The following XYLT1 variants were observed in gnomAD, a reference collection of about 807,000 sequenced individuals.
XYLT1 encodes beta-D-xylosyltransferase 1.
A neutral mutation model predicts 91.3 loss-of-function variants in XYLT1; 36 were observed. That is an observed-to-expected ratio of 0.39 (90% CI 0.30 to 0.52). The LOEUF is 0.52. Ranked by LOEUF, XYLT1 falls within the 20% of genes least tolerant of loss-of-function variation. The pLI, the probability that XYLT1 is intolerant of heterozygous loss-of-function variation, is 0.68. For missense variants in XYLT1, 1,242 were observed against 1,284.5 expected (o/e 0.97, Z 0.51); for synonymous variants, 588 against 532.0 (o/e 1.11, Z -1.45).
chr16:17,449,719 G>A (rs1341861997), intron 1 of XYLT1, among the ~76,000 whole-genome samples: 1 of 152,180 alleles, frequency 6.6e-6, no homozygotes, highest in Non-Finnish European at 1.5e-5. Context: ...ATCATCAACA[G>A]GACTATGCAT....
At position 17,102,618 on chromosome 16, in the gene XYLT1, A is replaced by G. The variant is rs185927471; in HGVS notation, c.*6077T>C. ...TGAGACTCACATTCTACCTCAAGGA[A>G]AAGCATTCAGATGATTGGAACTTTG... On this transcript the variant is annotated 3_prime_UTR_variant, in exon 12 of 12. Transcript: ENST00000261381. The G allele has an allele frequency of 2.5e-4, 38 of 152,670 alleles. No individual in the cohort carries two copies. The highest frequency in any genetic ancestry group is 1.8e-3 in the Admixed American group (28 of 15,306). The allele number at this position is 152,670 out of a possible 1,614,324, so 9.5% of individuals were successfully genotyped here. A position where few individuals can be genotyped will look rare whatever the true frequency, so the allele number is the denominator to read the frequency against.
At chr16:17,306,405 A>G (rs2034471187) in intron 2 of XYLT1, among the ~76,000 whole-genome samples, 1 of 152,118 alleles carries the variant, frequency 6.6e-6, no homozygotes, top group Non-Finnish European at 1.5e-5. Context: ...GCGCTCTGGG[A>G]GGCCGAGGCA....
chr16:17,203,653 T>C (rs570591036), intron 3 of XYLT1, among the ~76,000 whole-genome samples: 7 of 152,272 alleles, frequency 4.6e-5, no homozygotes, highest in South Asian at 2.1e-4. Context: ...CATTCATCCA[T>C]TGCTCCACCC....
At position 17,312,206 on chromosome 16, in the gene XYLT1, A is replaced by T. The variant is rs566790792; in HGVS notation, c.402+45806T>A. On this transcript the variant is annotated intron_variant, in intron 2 of 11. Coordinates refer to ENST00000261381, the MANE Select transcript of XYLT1 (RefSeq NM_022166.4). This position sits in a 1 kb window ranked among gnomAD's most constrained non-coding sequence, Gnocchi z 4.4. ...AAATGAAGCAGGCGTGAAGCCAGGCACGCCCAGGGGGTGACTCATCTGCTG... is the reference window on the plus strand; with the variant it reads ...AAATGAAGCAGGCGTGAAGCCAGGCTCGCCCAGGGGGTGACTCATCTGCTG... Among the ~76,000 whole-genome samples the T allele has an allele frequency of 2.6e-5, 4 of 152,278 alleles. No individual in the cohort carries two copies. In the East Asian group the frequency reaches 7.7e-4, roughly 29 times the overall value.
At chr16:17,219,799 C>G (rs554937365) in intron 3 of XYLT1, among the ~76,000 whole-genome samples, 1 of 151,992 alleles carries the variant, frequency 6.6e-6, no homozygotes, top group Non-Finnish European at 1.5e-5. Context: ...GAGGCCGAGG[C>G]GGGTGGATCA....
intron 8 of XYLT1, among the ~76,000 whole-genome samples, chr16:17,136,563 T>C (rs987011607): frequency 6.6e-6 from 1 of 152,178 alleles, no homozygotes; most frequent in African/African-American, 2.4e-5. Flanking sequence ...GTCTAGCACA[T>C]AGTGTAGGCT....
At chr16:17,184,865 C>T (rs535543193) in intron 5 of XYLT1, among the ~76,000 whole-genome samples, 14 of 152,218 alleles carry the variant, frequency 9.2e-5, no homozygotes, top group African/African-American at 2.9e-4. Flanking sequence ...TTTTGTTTTC[C>T]GTTGTGAAAG....
Position 17,430,016 on chromosome 16 carries a change from A to C in XYLT1, c.363+40418T>G, listed in dbSNP as rs566478358. On this transcript the variant is annotated intron_variant, in intron 1 of 11. Transcript: ENST00000261381. Reference sequence around the variant, plus strand: ...CAGTGGTGTGATCTTGGCTCACTGCAACCTCTGCCTCCCAGGTTCAAGTGA... The same window carrying C: ...CAGTGGTGTGATCTTGGCTCACTGCCACCTCTGCCTCCCAGGTTCAAGTGA... Among the ~76,000 whole-genome samples the C allele has an allele frequency of 1.9e-4, 28 of 149,082 alleles. No individual in the cohort carries two copies. In the South Asian group the frequency reaches 5.3e-3, roughly 28 times the overall value.
intron 2 of XYLT1, among the ~76,000 whole-genome samples, chr16:17,294,793 T>C (rs1351488090): frequency 6.6e-6 from 1 of 151,684 alleles, no homozygotes; most frequent in African/African-American, 2.4e-5. Context: ...AGTTCTAGGG[T>C]CGTTTGGGGC....
Position 17,138,635 on chromosome 16 carries a change from G to GTTGT in XYLT1, c.1588-108_1588-105dup, listed in dbSNP as rs1490921508. The GTTGT allele has an allele frequency of 1.3e-5, 18 of 1,379,846 alleles. No individual in the cohort carries two copies. The South Asian group carries it at 2.0e-4, about 16-fold the overall frequency. 85.5% of individuals were successfully genotyped at this position (1,379,846 alleles called of 1,614,324 possible). On this transcript the variant is annotated intron_variant, in intron 7 of 11. Coordinates refer to ENST00000261381, the MANE Select transcript of XYLT1 (RefSeq NM_022166.4). The stretch of plus-strand genomic sequence containing the variant: ...TTGCTCTGAGTTCATGTAAGAACTG[G>GTTGT]TTGTTTAAAAGAATGTGGCATCTCA...
chr16:17,444,539 G>A (rs2141944518), intron 1 of XYLT1, among the ~76,000 whole-genome samples: 1 of 149,730 alleles, frequency 6.7e-6, no homozygotes, highest in South Asian at 2.1e-4. Context: ...TAGAGACAGA[G>A]TCTCACTATG....
At chr16:17,379,015 C>T (rs936386415) in intron 1 of XYLT1, among the ~76,000 whole-genome samples, 1 of 152,206 alleles carries the variant, frequency 6.6e-6, no homozygotes, top group African/African-American at 2.4e-5. Flanking sequence ...GATTCAACAG[C>T]TTTGTCTGCT....
At chr16:17,227,686 T>G (rs992727088) in intron 3 of XYLT1, 1 of 152,246 alleles carries the variant, frequency 6.6e-6, no homozygotes, top group Admixed American at 6.5e-5. Context: ...TTTTTAAAGC[T>G]CACTCTGGAA....
chr16:17,181,751 T>C lies in XYLT1; in HGVS notation c.1289+16461A>G, dbSNP rs188336878. Among the ~76,000 whole-genome samples the C allele has an allele frequency of 2.0e-3, 308 of 152,154 alleles. 1 individual carries two copies. The highest frequency in any genetic ancestry group is 7.2e-3 in the African/African-American group (299 of 41,508). On this transcript the variant is annotated intron_variant, in intron 5 of 11. Transcript: ENST00000261381. ...GAACCCTTCCTCCTCCCAAATGAAT[T>C]GCACTTCTTTTTTTTTTAATGTTTC...
At chr16:17,342,925 G>T (rs1265663997) in intron 2 of XYLT1, among the ~76,000 whole-genome samples, 2 of 152,142 alleles carry the variant, frequency 1.3e-5, no homozygotes, top group Non-Finnish European at 2.9e-5. Flanking sequence ...TTGCGATGAT[G>T]AAAAGCAAAT....
intron 1 of XYLT1, among the ~76,000 whole-genome samples, chr16:17,384,081 G>A (rs1596516615): frequency 6.6e-6 from 1 of 151,894 alleles, no homozygotes; most frequent in South Asian, 2.1e-4. Context: ...AAGCTTTCCG[G>A]TTTCCCTCCA....
chr16:17,409,804 CCTCCCAAAGTG>C (rs141471932), intron 1 of XYLT1, among the ~76,000 whole-genome samples: 28,462 of 151,874 alleles, frequency 0.19, 2,900 homozygotes, highest in Admixed American at 0.3. Flanking sequence ...CCTGCCTTGC[CCTCCCAAAGTG>C]CTGGGATTAC....
At chr16:17,178,427 G>T (rs1272428720) in intron 5 of XYLT1, among the ~76,000 whole-genome samples, 1 of 152,144 alleles carries the variant, frequency 6.6e-6, no homozygotes, top group African/African-American at 2.4e-5. Context: ...AGCACTTGAG[G>T]TGATTCAGAT....
At chr16:17,137,056 G>A (rs2030754886) in intron 8 of XYLT1, among the ~76,000 whole-genome samples, 6 of 152,132 alleles carry the variant, frequency 3.9e-5, no homozygotes, top group Admixed American at 3.9e-4. Flanking sequence ...TTTCTGCAGG[G>A]AAGATGTGAG....
Sources: gnomAD v4.1 joint callset for allele counts (sites outside exome capture counted in the v4.1 genomes callset) on GRCh38, gnomAD v4.1.1 for gene constraint, Gnocchi (gnomAD v3.1) non-coding constraint, MANE v1.5 for transcripts, NCBI Gene and HGNC (gene_info 2026-07-23, HGNC 2026-07-21) for gene names.